Variants in MSL3 observed in about 807,000 individuals in gnomAD.
MSL3 encodes MSL complex subunit 3.
Under a neutral mutation model 37.2 loss-of-function variants are expected in MSL3, and 5 were observed. The ratio of observed to expected loss-of-function variants is 0.13; its 90% CI spans 0.07 to 0.28. The LOEUF is 0.28. Ranked by LOEUF, MSL3 falls within the 10% of genes least tolerant of loss-of-function variation. The pLI, the probability that MSL3 is intolerant of heterozygous loss-of-function variation, is 1.00. For synonymous variants in MSL3, 149 were observed against 147.6 expected, an observed-to-expected ratio of 1.01 and a Z score of -0.07; for missense variants, 315 against 408.5, an observed-to-expected ratio of 0.77 and a Z score of 1.97.
intron 8 of MSL3, 156 bp downstream of exon 8, chrX:11,764,094 G>A (rs987041272): frequency 7.1e-5 from 33 of 465,357 alleles, no homozygotes; most frequent in African/African-American, 2.5e-5. Context: ...TTTTTCCTGG[G>A]TAAGCTAAGT....
chrX:11,771,315 G>A (rs1796386432), intron 10 of MSL3, among the ~76,000 whole-genome samples: 1 of 112,117 alleles, frequency 8.9e-6, no homozygotes, highest in African/African-American at 3.2e-5. Context: ...AAATTCATCA[G>A]AGAGTTTTGA....
intron 6 of MSL3, 145 bp downstream of exon 6, chrX:11,762,397 C>A: frequency 2.0e-6 from 1 of 511,462 alleles, no homozygotes; most frequent in Non-Finnish European, 3.1e-6. Flanking sequence ...TTTTAAAGTT[C>A]TCTGCCAGTG....
intron 2 of MSL3, 182 bp downstream of exon 2, chrX:11,760,057 C>T (rs1391374429): frequency 2.1e-6 from 1 of 485,608 alleles, no homozygotes; most frequent in Non-Finnish European, 3.2e-6. Context: ...CATTTCCTGT[C>T]TTTACTTTGT....
At chrX:11,767,350 G>A (rs1398520879) in intron 9 of MSL3, 1 of 604,558 alleles carries the variant, frequency 1.7e-6, no homozygotes, top group Non-Finnish European at 2.0e-6. Flanking sequence ...CACATTTAAA[G>A]TTTTTAGTGT....
At chrX:11,761,242 T>C (rs2053129873) in intron 4 of MSL3, among the ~76,000 whole-genome samples, 1 of 112,550 alleles carries the variant, frequency 8.9e-6, no homozygotes. Context: ...CATTTATGAA[T>C]GCAACAGGAA....
chrX:11,764,232 A>G (rs949426919), intron 8 of MSL3: 7 of 203,313 alleles, frequency 3.4e-5, no homozygotes, highest in Non-Finnish European at 6.2e-5. Flanking sequence ...TGAAGAGAGC[A>G]CAGGCCGGGG....
In MSL3 at chrX:11,760,277, G is replaced by T. The variant is rs1035981730; in HGVS notation, c.186-126G>T. ...TTCAGTTTATTTGCCTCCTCTTTGT[G>T]ATTTTAAAATATTTAAATCGTTTTC... is the stretch of plus-strand genomic sequence containing the variant. On this transcript the variant is annotated intron_variant, in intron 2 of 12. Coordinates refer to ENST00000312196, the MANE Select transcript of MSL3 (RefSeq NM_078629.4). 19 of 460,151 alleles carry T rather than the reference G, an allele frequency of 4.1e-5. No individual in the cohort carries two copies. The African/African-American group carries it at 4.3e-4, about 10-fold the overall frequency. 37.9% of individuals were successfully genotyped at this position (460,151 alleles called of 1,213,427 possible). A position where few individuals can be genotyped will look rare whatever the true frequency, so the allele number is the denominator to read the frequency against.
chrX:11,773,405 C>T (rs1460845193), intron 12 of MSL3, among the ~76,000 whole-genome samples: 2 of 112,031 alleles, frequency 1.8e-5, no homozygotes, highest in African/African-American at 6.5e-5. Context: ...TAAGGAGTAT[C>T]TCTTCCTTGT....
intron 11 of MSL3, 100 bp from the exon 12 acceptor site, chrX:11,772,521 C>A: frequency 1.8e-6 from 1 of 557,128 alleles, no homozygotes; most frequent in Non-Finnish European, 3.0e-6. Flanking sequence ...AATTTCAGTT[C>A]CAGTAGAGAT....
chrX:11,759,930 C>T lies in MSL3; in HGVS notation c.185+55C>T. 5.2e-6 allele frequency: 6 copies of T among 1,155,454 alleles called. No individual in the cohort carries two copies. The South Asian group carries it at 1.2e-4, about 22-fold the overall frequency. ...ATTGATTGTCTTTGCTGCATAGAAA[C>T]ATTGCAGACTTAAGTTTCAGAAACA... On this transcript the variant is annotated intron_variant, in intron 2 of 12. Coordinates refer to ENST00000312196, the MANE Select transcript of MSL3 (RefSeq NM_078629.4).
intron 12 of MSL3, among the ~76,000 whole-genome samples, chrX:11,773,815 C>T (rs1427741876): frequency 2.7e-5 from 3 of 111,898 alleles, no homozygotes; most frequent in Non-Finnish European, 5.6e-5. Flanking sequence ...GTTTTAAAAA[C>T]GTATTCGAAG....
At chrX:11,767,043 C>T (rs2053190340) in intron 9 of MSL3, 1 of 752,362 alleles carries the variant, frequency 1.3e-6, no homozygotes, top group Admixed American at 8.8e-5. Context: ...CAGTGCCATT[C>T]TGTGTTCAGG....
At chrX:11,771,952 CTG>C (rs762049510) in intron 10 of MSL3, among the ~76,000 whole-genome samples, 32 of 112,256 alleles carry the variant, frequency 2.9e-4, no homozygotes, top group African/African-American at 8.7e-4. Flanking sequence ...TAGAGAATAA[CTG>C]TTGCGAGTTA....
rs1601776464 is a variant in MSL3, at chrX:11,775,658, A to G, written c.*579A>G. The G allele has an allele frequency of 8.9e-6, 1 of 112,561 alleles. No homozygotes were observed. Among genetic ancestry groups the G allele is most frequent in the East Asian group, 2.8e-4 (1 of 3,603 alleles). The allele number at this position is 112,561 out of a possible 1,213,427, so 9.3% of individuals were successfully genotyped here. Reference sequence around the variant, plus strand: ...GAAAGCATTGCCTTTCTTATTTGAGATTTTACAGCTATACTTTGTTGTGTA... The same window carrying G: ...GAAAGCATTGCCTTTCTTATTTGAGGTTTTACAGCTATACTTTGTTGTGTA... On this transcript the variant is annotated 3_prime_UTR_variant, in exon 13 of 13. Coordinates refer to ENST00000312196, the MANE Select transcript of MSL3 (RefSeq NM_078629.4).
chrX:11,758,580 G>C, intron 1 of MSL3: 1 of 1,116,685 alleles, frequency 9.0e-7, no homozygotes, highest in South Asian at 2.2e-5. Flanking sequence ...AGGCCGGGCG[G>C]CGCACGCGCG....
At chrX:11,760,360 A>C in intron 2 of MSL3, 43 bp from the exon 3 acceptor site, 2 of 980,086 alleles carry the variant, frequency 2.0e-6, no homozygotes, top group Non-Finnish European at 1.4e-6. Context: ...TCGTTGTTTC[A>C]TATCAAACTA....
Position 11,761,588 on chromosome X carries a change from A to G in MSL3, c.465+6A>G, listed in dbSNP as rs369277523. 5 of 1,104,919 alleles carry G rather than the reference A, an allele frequency of 4.5e-6. No homozygotes were observed. The highest frequency in any genetic ancestry group is 6.1e-6 in the Non-Finnish European group (5 of 813,851). The allele number at this position is 1,104,919 out of a possible 1,213,427, so 91.1% of individuals were successfully genotyped here. On this transcript the variant is annotated splice_donor_region_variant and intron_variant, in intron 5 of 12. Transcript: ENST00000312196. ...TTGAAGAAAAGACTGAAGTGGTATA[A>G]AGTTTTTATTGTAAAAACTTTCTCT...
chrX:11,772,523 A>G (rs958501758), intron 11 of MSL3, 98 bp from the exon 12 acceptor site: 64 of 562,254 alleles, frequency 1.1e-4, no homozygotes, highest in Non-Finnish European at 1.7e-4. Flanking sequence ...TTTCAGTTCC[A>G]GTAGAGATAA....
intron 5 of MSL3, 105 bp from the exon 6 acceptor site, chrX:11,762,025 C>T (rs1463239600): frequency 4.0e-5 from 25 of 623,383 alleles, no homozygotes; most frequent in Non-Finnish European, 5.7e-5. Flanking sequence ...ACGTGGCATA[C>T]TATGATTGTT....
Sources: allele counts gnomAD v4.1 joint callset (sites outside exome capture counted in the v4.1 genomes callset), GRCh38; gene constraint gnomAD v4.1.1; transcripts MANE v1.5; gene names NCBI Gene and HGNC (gene_info 2026-07-23, HGNC 2026-07-21).